The following PRKCB variants were observed in gnomAD, a reference collection of about 807,000 sequenced individuals.
The protein encoded by PRKCB is protein kinase C beta type.
A neutral mutation model predicts 81.5 loss-of-function variants in PRKCB; 13 were observed. That is an observed-to-expected ratio of 0.16 (90% CI 0.10 to 0.25). The LOEUF (loss-of-function observed/expected upper bound fraction) is 0.25, where lower values mean the gene tolerates loss of function less well. Ranked by LOEUF, PRKCB falls within the 10% of genes least tolerant of loss-of-function variation. The probability of loss-of-function intolerance (pLI) is 1.00; values close to 1 mark genes in which losing one functional copy is unlikely to be tolerated. For synonymous variants in PRKCB, 335 were observed against 321.4 expected (o/e 1.04, Z -0.45); for missense variants, 509 against 875.7 (o/e 0.58, Z 5.29).
chr16:24,132,978 A>G (rs760536654), intron 9 of PRKCB, among the ~76,000 whole-genome samples: 4 of 152,038 alleles, frequency 2.6e-5, no homozygotes, highest in Non-Finnish European at 5.9e-5. Context: ...GAAACTTAAC[A>G]TGTAATTTCC....
At chr16:24,004,459 T>C (rs1260981371) in intron 3 of PRKCB, among the ~76,000 whole-genome samples, 2 of 119,540 alleles carry the variant, frequency 1.7e-5, no homozygotes, top group African/African-American at 3.3e-5. Flanking sequence ...CTGGGCAACA[T>C]GGCGAAACCA....
intron 7 of PRKCB, among the ~76,000 whole-genome samples, chr16:24,106,724 A>G (rs1966583360): frequency 6.6e-6 from 1 of 152,218 alleles, no homozygotes; most frequent in African/African-American, 2.4e-5. Flanking sequence ...ATCCAGTGCT[A>G]TAAATTTCAA....
chr16:23,981,603 C>T (rs12920605), intron 2 of PRKCB, among the ~76,000 whole-genome samples: 50 of 111,996 alleles, frequency 4.5e-4, no homozygotes, highest in East Asian at 6.0e-4. Context: ...CCCTTCCCTT[C>T]CCTTTCCTTT....
At chr16:24,214,016 G>C (rs1231362148) in intron 16 of PRKCB, among the ~76,000 whole-genome samples, 1 of 152,218 alleles carries the variant, frequency 6.6e-6, no homozygotes, top group African/African-American at 2.4e-5. Flanking sequence ...CCTTGCATTT[G>C]ATGTTCAGTG....
At chr16:24,198,875 G>GA (rs1382732236) in intron 16 of PRKCB, among the ~76,000 whole-genome samples, 3 of 152,122 alleles carry the variant, frequency 2.0e-5, no homozygotes, top group African/African-American at 7.2e-5. Context: ...CTCCACTCCT[G>GA]ACATTGGAGC....
At chr16:23,873,649 T>C (rs1457986852) in intron 2 of PRKCB, among the ~76,000 whole-genome samples, 2 of 152,196 alleles carry the variant, frequency 1.3e-5, no homozygotes, top group African/African-American at 4.8e-5. Context: ...TCTGGGATAA[T>C]CTGATTGCCC....
At chr16:24,056,840 T>C (rs915263701) in intron 5 of PRKCB, among the ~76,000 whole-genome samples, 2 of 152,176 alleles carry the variant, frequency 1.3e-5, no homozygotes, top group African/African-American at 4.8e-5. Flanking sequence ...AAACCTCTTT[T>C]CTTTATAAAG....
intron 5 of PRKCB, among the ~76,000 whole-genome samples, chr16:24,086,263 A>C (rs985177109): frequency 6.6e-6 from 1 of 152,194 alleles, no homozygotes; most frequent in African/African-American, 2.4e-5. Flanking sequence ...CAACTTGGGA[A>C]GGTATGGCAG....
rs1968241023 is a variant in PRKCB at position 24,217,152 on chromosome 16, AGAAG to A, written c.*2344_*2347del. 1 of 982,116 alleles carries A rather than the reference AGAAG, an allele frequency of 1.0e-6. No homozygotes were observed. The allele number at this position is 982,116 out of a possible 1,614,324, so 60.8% of individuals were successfully genotyped here. A position where few individuals can be genotyped will look rare whatever the true frequency, so the allele number is the denominator to read the frequency against. ...AAAGAAAGAGAAAGGAAGGAAGGAA[AGAAG>A]GAAGGAAAAGAAGGAAGGAAGGAAG... On this transcript the variant is annotated 3_prime_UTR_variant, in exon 17 of 17. Coordinates refer to ENST00000643927, the MANE Select transcript of PRKCB (RefSeq NM_002738.7).
rs1197240013 is a variant in PRKCB at position 23,902,776 on chromosome 16, T to TCCTC, written c.205+65373_205+65374insCCCT. ...TTCCTTCCTTCCTTCCTTCCTTCCT[T>TCCTC]CCTTCCTCCCTCCCTCCCTCCCTTC... On this transcript the variant is annotated intron_variant, in intron 2 of 16. Transcript: ENST00000643927. 2.0e-3 allele frequency among the ~76,000 whole-genome samples: 39 copies of TCCTC among 19,774 alleles called. 1 individual carries two copies. The highest frequency in any genetic ancestry group is 7.4e-3 in the African/African-American group (37 of 5,002). 13.0% of individuals were successfully genotyped at this position (19,774 alleles called of 152,430 possible). A position where few individuals can be genotyped will look rare whatever the true frequency, so the allele number is the denominator to read the frequency against.
chr16:23,933,768 CTCCATCCA>C (rs377110328), intron 2 of PRKCB, among the ~76,000 whole-genome samples: 6,609 of 125,684 alleles, frequency 0.053, 343 homozygotes, highest in African/African-American at 0.14. Flanking sequence ...CATCTATCCA[CTCCATCCA>C]TCCATCCATC....
chr16:23,893,914 T>C (rs1963332510), intron 2 of PRKCB: 1 of 152,262 alleles, frequency 6.6e-6, no homozygotes, highest in African/African-American at 2.4e-5. Context: ...GATAAGTTCA[T>C]GTATTAGTTA....
intron 2 of PRKCB, among the ~76,000 whole-genome samples, chr16:23,862,740 C>T (rs1418502234): frequency 2.0e-5 from 3 of 152,032 alleles, no homozygotes; most frequent in African/African-American, 7.3e-5. Flanking sequence ...GTCATTTCCC[C>T]AATTGTCAGA....
chr16:24,185,576 A>G lies in PRKCB; in HGVS notation c.1722+9A>G, dbSNP rs140933898. 6.2e-6 allele frequency: 10 copies of G among 1,606,330 alleles called. No homozygotes were observed. Among genetic ancestry groups the G allele is most frequent in the Non-Finnish European group, 7.7e-6 (9 of 1,172,850 alleles). The stretch of plus-strand genomic sequence containing the variant: ...TGGCCATCTGCAAAGGGGTAAGTGC[A>G]TCTCTTAAAGCTGTGACCAGGACCA... On this transcript the variant is annotated intron_variant, in intron 15 of 16. Coordinates refer to ENST00000643927, the MANE Select transcript of PRKCB (RefSeq NM_002738.7).
At chr16:23,962,894 C>A (rs1964444759) in intron 2 of PRKCB, 1 of 152,130 alleles carries the variant, frequency 6.6e-6, no homozygotes, top group African/African-American at 2.4e-5. Context: ...TTATTCTTCA[C>A]CCCCTCCCAC....
chr16:24,039,331 C>A (rs554186146), intron 5 of PRKCB, among the ~76,000 whole-genome samples: 1 of 152,186 alleles, frequency 6.6e-6, no homozygotes, highest in Non-Finnish European at 1.5e-5. Context: ...CATGTTCAAG[C>A]GATTCTCCGG....
rs551563015 is a variant in PRKCB at position 24,112,120 on chromosome 16, T to C, written c.822-853T>C. ...ACTACAGCACATTTTGGGAAAACTT[T>C]TGCAGAGAAAATAGCATCATGAAGT... On this transcript the variant is annotated intron_variant, in intron 7 of 16. Coordinates refer to ENST00000643927, the MANE Select transcript of PRKCB (RefSeq NM_002738.7). Among the ~76,000 whole-genome samples the C allele has an allele frequency of 2.1e-4, 32 of 152,282 alleles. No homozygotes were observed. The South Asian group carries it at 6.6e-3, about 32-fold the overall frequency.
intron 2 of PRKCB, among the ~76,000 whole-genome samples, chr16:23,964,090 G>T (rs978720718): frequency 6.6e-6 from 1 of 152,250 alleles, no homozygotes; most frequent in Admixed American, 6.5e-5. Flanking sequence ...CACTAGCCAT[G>T]TGTGCCTACT....
intron 10 of PRKCB, among the ~76,000 whole-genome samples, chr16:24,168,513 C>G (rs571770361): frequency 1.6e-5 from 2 of 123,798 alleles, no homozygotes; most frequent in East Asian, 2.4e-4. Context: ...TCCATTTCAT[C>G]ATTTCATTAT....
Sources: gnomAD v4.1 joint callset for allele counts (sites outside exome capture counted in the v4.1 genomes callset) on GRCh38, gnomAD v4.1.1 for gene constraint, MANE v1.5 for transcripts, NCBI Gene and HGNC (gene_info 2026-07-23, HGNC 2026-07-21) for gene names.